The following RAD51B variants were observed in gnomAD, a reference collection of about 807,000 sequenced individuals.
RAD51B encodes the protein RAD51 paralog B, also known as DNA repair protein RAD51 homolog 2.
RAD51B carries 38 observed loss-of-function variants against 42.2 expected under a neutral mutation model. The ratio of observed to expected loss-of-function variants is 0.90; its 90% CI spans 0.70 to 1.18. The LOEUF is 1.18. Among genes scored for constraint, RAD51B ranks in the 50% most tolerant of loss-of-function variants. The pLI is 0.00. For missense variants in RAD51B, 373 were observed against 400.7 expected (o/e 0.93, Z 0.59); for synonymous variants, 154 against 145.2 (o/e 1.06, Z -0.43).
intron 11 of RAD51B, among the ~76,000 whole-genome samples, chr14:68,652,648 A>G (rs904470538): frequency 1.4e-4 from 21 of 152,180 alleles, no homozygotes; most frequent in African/African-American, 3.9e-4. Flanking sequence ...CACTCCTTCC[A>G]TTCAATCACC....
At chr14:68,482,203 G>GTGTGTGTGTGTGTA (rs1883248793), downstream of RAD51B, among the ~76,000 whole-genome samples, 1 of 152,050 alleles carries the variant, frequency 6.6e-6, no homozygotes, top group Non-Finnish European at 1.5e-5. Context: ...GTGTGTATGT[G>GTGTGTGTGTGTGTA]TGTGTGTATC....
intron 10 of RAD51B, among the ~76,000 whole-genome samples, chr14:68,639,601 T>C (rs1201971574): frequency 6.6e-6 from 1 of 151,878 alleles, no homozygotes; most frequent in Non-Finnish European, 1.5e-5. Flanking sequence ...ATTTAGGAAT[T>C]AGGAGGAAGA....
intron 7 of RAD51B, among the ~76,000 whole-genome samples, chr14:67,998,013 T>C (rs2075415725): frequency 6.6e-6 from 1 of 152,240 alleles, no homozygotes; most frequent in African/African-American, 2.4e-5. Flanking sequence ...ACAACCCTTT[T>C]GACACTTGTT....
rs72725192 is a variant in RAD51B, at chr14:68,099,100, C to T, written c.757-192784C>T. The stretch of plus-strand genomic sequence containing the variant: ...TCCTTTCTTTAATTGCTAGGTTTAA[C>T]GAAGTTGAAAAACCCTAACTTGGGA... On this transcript the variant is annotated intron_variant, in intron 7 of 10. Transcript: ENST00000471583. Among the ~76,000 whole-genome samples the T allele has an allele frequency of 3.3e-3, 509 of 152,274 alleles. 1 individual carries two copies. The highest frequency in any genetic ancestry group is 5.5e-3 in the Non-Finnish European group (371 of 68,010).
intron 8 of RAD51B, among the ~76,000 whole-genome samples, chr14:68,408,717 C>A (rs1054168548): frequency 6.6e-6 from 1 of 151,870 alleles, no homozygotes; most frequent in African/African-American, 2.4e-5. Context: ...TTAAAGTTAG[C>A]GCAATTAAAA....
At chr14:67,870,843 A>G (rs1302686997) in intron 5 of RAD51B, among the ~76,000 whole-genome samples, 1 of 123,282 alleles carries the variant, frequency 8.1e-6, no homozygotes, top group Non-Finnish European at 1.7e-5. Context: ...ACTACTGGGT[A>G]CATAACGAAA....
chr14:68,629,388 C>G (rs1380920796), intron 10 of RAD51B, among the ~76,000 whole-genome samples: 2 of 152,196 alleles, frequency 1.3e-5, no homozygotes, highest in Admixed American at 6.5e-5. Context: ...CCATTTTCTT[C>G]TTTAAAGGTA....
At chr14:68,561,014 C>T (rs1257790179) in intron 10 of RAD51B, among the ~76,000 whole-genome samples, 1 of 152,180 alleles carries the variant, frequency 6.6e-6, no homozygotes, top group African/African-American at 2.4e-5. Flanking sequence ...TTGCTTGGAA[C>T]TTTCTTGGAG....
At chr14:68,264,923 A>T (rs2080960674) in intron 7 of RAD51B, among the ~76,000 whole-genome samples, 1 of 152,198 alleles carries the variant, frequency 6.6e-6, no homozygotes, top group Non-Finnish European at 1.5e-5. Flanking sequence ...AAAACATGGA[A>T]TAGGGAACTC....
intron 7 of RAD51B, among the ~76,000 whole-genome samples, chr14:68,004,120 G>A (rs1394214731): frequency 1.3e-5 from 2 of 152,008 alleles, no homozygotes; most frequent in Non-Finnish European, 2.9e-5. Flanking sequence ...CACAAGGTCT[G>A]GAGATCAAGA....
intron 10 of RAD51B, among the ~76,000 whole-genome samples, chr14:68,641,479 AGTATGAT>A (rs1892459074): frequency 6.8e-6 from 1 of 146,284 alleles, no homozygotes; most frequent in Non-Finnish European, 1.5e-5. Flanking sequence ...TAGGACTTCC[AGTATGAT>A]GTTGAAAAAC....
At chr14:68,616,221 T>A (rs10136390), downstream of RAD51B, among the ~76,000 whole-genome samples, 7 of 152,004 alleles carry the variant, frequency 4.6e-5, no homozygotes, top group South Asian at 1.0e-3. Flanking sequence ...TTTCTGGTGC[T>A]CTTCATTCTT....
intron 7 of RAD51B, among the ~76,000 whole-genome samples, chr14:68,277,655 A>T (rs541693669): frequency 1.4e-3 from 210 of 152,310 alleles, no homozygotes; most frequent in Admixed American, 5.6e-3. Flanking sequence ...ATTTTAAAGC[A>T]ATGTAAATAA....
At chr14:68,495,911 C>A (rs1884475687) in intron 10 of RAD51B, among the ~76,000 whole-genome samples, 1 of 152,180 alleles carries the variant, frequency 6.6e-6, no homozygotes. Flanking sequence ...ACACGCAAGT[C>A]CAGTGGCTTT....
chr14:67,877,382 TC>T (rs1566937552), intron 5 of RAD51B, among the ~76,000 whole-genome samples: 1 of 152,162 alleles, frequency 6.6e-6, no homozygotes, highest in East Asian at 1.9e-4. Flanking sequence ...TGAACTCATA[TC>T]CTCTTTCCAC....
chr14:68,172,385 A>G (rs1436014799), intron 7 of RAD51B, among the ~76,000 whole-genome samples: 1 of 152,222 alleles, frequency 6.6e-6, no homozygotes, highest in Non-Finnish European at 1.5e-5. Flanking sequence ...TTGTCCCTTC[A>G]TTAGCCAGGG....
chr14:68,156,455 T>TTCTCTCTCCCTCTC (rs2078508626), intron 7 of RAD51B, among the ~76,000 whole-genome samples: 4 of 114,266 alleles, frequency 3.5e-5, no homozygotes, highest in African/African-American at 1.4e-4. Context: ...CTTAGAAAAT[T>TTCTCTCTCCCTCTC]TCTCTCTCTC....
chr14:68,321,934 T>G (rs190846795), intron 8 of RAD51B, among the ~76,000 whole-genome samples: 11 of 152,134 alleles, frequency 7.2e-5, no homozygotes, highest in African/African-American at 2.7e-4. Flanking sequence ...GGACCACACC[T>G]GGCTAATTTT....
chr14:68,517,965 G>A (rs1026952354), intron 10 of RAD51B, among the ~76,000 whole-genome samples: 1 of 152,112 alleles, frequency 6.6e-6, no homozygotes, highest in East Asian at 1.9e-4. Context: ...TTGATCTAGT[G>A]AGCCCTGAAA....
Sources: allele counts gnomAD v4.1 joint callset (sites outside exome capture counted in the v4.1 genomes callset), GRCh38; gene constraint gnomAD v4.1.1; transcripts MANE v1.5; gene names NCBI Gene and HGNC (gene_info 2026-07-23, HGNC 2026-07-21).